The following ZNFX1 variants were observed in gnomAD, a reference collection of about 807,000 sequenced individuals.
ZNFX1 encodes NFX1-type zinc finger-containing protein 1.
In ZNFX1, 78 loss-of-function variants were observed where a neutral mutation model predicts 179.8. The observed-to-expected ratio is 0.43, with a 90% CI of 0.36 to 0.52. ZNFX1 has a LOEUF of 0.52. ZNFX1 is among the 20% of genes least tolerant of loss of function. The pLI is 0.00. For synonymous variants in ZNFX1, 848 were observed against 868.5 expected, an observed-to-expected ratio of 0.98 and a Z score of 0.42; for missense variants, 1,927 against 2,386.6, an observed-to-expected ratio of 0.81 and a Z score of 4.01.
At chr20:49,273,172 G>A (rs772646877) in intron 2 of ZNFX1, among the ~76,000 whole-genome samples, 9 of 151,828 alleles carry the variant, frequency 5.9e-5, no homozygotes, top group Admixed American at 6.6e-5. Context: ...TGGCTCTGTC[G>A]CCCAGGCTGG....
chr20:49,255,641 A>T (rs1980951104), intron 9 of ZNFX1, among the ~76,000 whole-genome samples, 167 bp downstream of exon 9: 2 of 152,256 alleles, frequency 1.3e-5, no homozygotes, highest in South Asian at 4.1e-4. Context: ...CCATGAAAGT[A>T]GAGCAAAGTG....
At position 49,264,882 on chromosome 20, in the gene ZNFX1, G is replaced by A; in HGVS notation, c.2003-18C>T. 1.2e-6 allele frequency: 2 copies of A among 1,614,176 alleles called. No individual in the cohort carries two copies. The highest frequency in any genetic ancestry group is 1.7e-6 in the Non-Finnish European group (2 of 1,180,022). On this transcript the variant is annotated intron_variant, in intron 4 of 13. Transcript: ENST00000396105. ...GTAGATGCCTGTGGAACAAAGTGGA[G>A]CATGGCAGGGTTGAGAGGAGCTTAT...
chr20:49,249,141 G>A lies in ZNFX1; in HGVS notation c.3883C>T (p.Arg1295Cys), dbSNP rs765271746. Residue 1295 changes from arginine to cysteine, a missense_variant, in exon 14 of 14, where the codon CGC (arginine) becomes TGC (cysteine). Transcript: ENST00000396105. ...EGGCSLPCEFRLGCGHVCTRA... is the reference protein window; with the variant it reads ...EGGCSLPCEFCLGCGHVCTRA... ...GTGCAGACATGCCCACAGCCCAGGC[G>A]GAACTCGCAGGGCAGGCTGCAGCCT... 5 of 1,614,102 alleles carry A rather than the reference G, an allele frequency of 3.1e-6. No homozygotes were observed. Among genetic ancestry groups the A allele is most frequent in the Non-Finnish European group, 4.2e-6 (5 of 1,180,042 alleles).
rs1216292755 is a variant in ZNFX1 at position 49,249,580 on chromosome 20, T to C, written c.3444A>G (p.Glu1148=). 1.2e-6 allele frequency: 2 copies of C among 1,614,122 alleles called. No individual in the cohort carries two copies. The highest frequency in any genetic ancestry group is 2.2e-5 in the East Asian group (1 of 44,886). The change falls in exon 14 of 14, where the codon GAA becomes GAG. Residue 1148 remains glutamate (E), a synonymous_variant. Transcript: ENST00000396105. ...VELCKYFLCQ[E]YLPSQITILT... ...GGATGGTGATCTGGGAAGGCAGGTA[T>C]TCCTGGCACAGGAAGTACTTGCACA...
rs1980671406 is a variant in ZNFX1 at position 49,246,369 on chromosome 20, C to G, written c.*898G>C. On this transcript the variant is annotated 3_prime_UTR_variant, in exon 14 of 14. Transcript: ENST00000396105. The stretch of plus-strand genomic sequence containing the variant: ...CCATCTTATGCAGCATGTGGGCTGT[C>G]CCATCTTCCCCACTCTCAGTGACTA... 1 of 153,412 alleles carries G rather than the reference C, an allele frequency of 6.5e-6. No individual in the cohort carries two copies. 9.5% of individuals were successfully genotyped at this position (153,412 alleles called of 1,614,324 possible).
At chr20:49,277,107 G>C (rs1227277485) in intron 1 of ZNFX1, among the ~76,000 whole-genome samples, 2 of 151,858 alleles carry the variant, frequency 1.3e-5, no homozygotes, top group South Asian at 2.1e-4. Flanking sequence ...TTTTTTTGGT[G>C]GGGGGAATCA....
chr20:49,275,915 C>G, intron 1 of ZNFX1, 28 bp from the exon 2 acceptor site: 3 of 1,498,900 alleles, frequency 2.0e-6, no homozygotes, highest in Non-Finnish European at 2.8e-6. Context: ...TCAGTGTCCT[C>G]GAAACATAGC....
intron 3 of ZNFX1, among the ~76,000 whole-genome samples, chr20:49,267,779 G>A (rs1981276394): frequency 6.6e-6 from 1 of 151,972 alleles, no homozygotes; most frequent in Non-Finnish European, 1.5e-5. Flanking sequence ...TCCTAAACTT[G>A]TCACTTAACA....
At chr20:49,265,487 G>A (rs1304295216) in intron 4 of ZNFX1, among the ~76,000 whole-genome samples, 1 of 152,042 alleles carries the variant, frequency 6.6e-6, no homozygotes, top group African/African-American at 2.4e-5. Flanking sequence ...GTCTGGGTGG[G>A]GTAGGGATCT....
Position 49,275,830 on chromosome 20 carries a change from T to G in ZNFX1, c.10A>C (p.Arg4=), listed in dbSNP as rs1981543765. ...GGCCTGGCATCCAGATGAGGTCTTC[T>G]CTCCTCCATGTCTGAGTCACCTGAA... The part of the protein sequence containing the change: MEE[R]RPHLDARPRN... Residue 4 remains arginine, a synonymous_variant, in exon 2 of 14, where the codon AGA becomes CGA. Coordinates refer to ENST00000396105, the MANE Select transcript of ZNFX1 (RefSeq NM_021035.3). 1.2e-6 allele frequency: 2 copies of G among 1,614,038 alleles called. No homozygotes were observed. The highest frequency in any genetic ancestry group is 1.7e-6 in the Non-Finnish European group (2 of 1,180,014).
chr20:49,276,601 G>C (rs1385097294), intron 1 of ZNFX1, among the ~76,000 whole-genome samples: 1 of 152,228 alleles, frequency 6.6e-6, no homozygotes, highest in Non-Finnish European at 1.5e-5. Flanking sequence ...GGTCCTGTAA[G>C]AGGAAGAGGA....
intron 2 of ZNFX1, among the ~76,000 whole-genome samples, chr20:49,272,634 T>C (rs974669398): frequency 2.0e-5 from 3 of 152,154 alleles, no homozygotes; most frequent in African/African-American, 7.2e-5. Flanking sequence ...ACTAAACAAT[T>C]ATCACAGCCA....
chr20:49,270,104 AT>A lies in ZNFX1; in HGVS notation c.1707del (p.Glu569AspfsTer3), dbSNP rs769045072. 6.2e-7 allele frequency: 1 copy of A among 1,614,208 alleles called. No individual in the cohort carries two copies. Among genetic ancestry groups the A allele is most frequent in the Non-Finnish European group, 8.5e-7 (1 of 1,180,034 alleles). ...CTCAAACCCTCGACATTTCTTAGAA[AT>A]TCCCCAGTGGCTGAAGGATTCTCTA... The part of the protein sequence containing the change: ...PLIENPSATG[E>X]FLRNVEGLRH... On this transcript the variant is annotated frameshift_variant, in exon 3 of 14. Transcript: ENST00000396105. LOFTEE classifies it high-confidence loss of function. The surrounding 1 kb of genome is among the most constrained non-coding windows in gnomAD (Gnocchi z 4.6).
Position 49,249,683 on chromosome 20 carries a change from T to G in ZNFX1, c.3341A>C (p.Glu1114Ala), listed in dbSNP as rs1600984077. 1 of 1,613,198 alleles carries G rather than the reference T, an allele frequency of 6.2e-7. No individual in the cohort carries two copies. The highest frequency in any genetic ancestry group is 2.2e-5 in the East Asian group (1 of 44,862). Residue 1114 changes from glutamate to alanine, a missense_variant, in exon 14 of 14, where the codon GAA (glutamate) becomes GCA (alanine). By Grantham distance (107) the Glu-to-Ala change is moderately radical. Coordinates refer to ENST00000396105, the MANE Select transcript of ZNFX1 (RefSeq NM_021035.3). ...GATTTCCTGTTCAGGAAAGTTGTGT[T>G]CTACAAAGAAAAGGTTGGAAGACAC... ...KGVSSNLFFV[E>A]HNFPEQEIQE...
At position 49,249,263 on chromosome 20, in the gene ZNFX1, T is replaced by C. The variant is rs577786949; in HGVS notation, c.3761A>G (p.Asn1254Ser). 5 of 1,614,178 alleles carry C rather than the reference T, an allele frequency of 3.1e-6. No homozygotes were observed. The highest frequency in any genetic ancestry group is 1.7e-5 in the Admixed American group (1 of 60,016). Residue 1254 changes from asparagine (N) to serine (S), a missense_variant, in exon 14 of 14, where the codon AAT (asparagine) becomes AGT (serine). Physicochemically the swap from Asn to Ser is conservative, Grantham distance 46. Coordinates refer to ENST00000396105, the MANE Select transcript of ZNFX1 (RefSeq NM_021035.3). ...GAGCCGGAGCATGGGGCCTATTTGA[T>C]TGTTCTCTCGAAGTGTATGAATGAT... ...SKIIHTLREN[N>S]QIGPMLRLCC... is the part of the protein sequence containing the mutation.
At chr20:49,261,178 G>A (rs908041536) in intron 6 of ZNFX1, among the ~76,000 whole-genome samples, 2 of 152,126 alleles carry the variant, frequency 1.3e-5, no homozygotes, top group Non-Finnish European at 2.9e-5. Context: ...AGGCTGCAGT[G>A]AGCTATGATT....
Position 49,254,663 on chromosome 20 carries a change from A to C in ZNFX1, c.2805-14T>G, listed in dbSNP as rs890643653. On this transcript the variant is annotated splice_polypyrimidine_tract_variant and intron_variant, in intron 9 of 13. Transcript: ENST00000396105. The stretch of plus-strand genomic sequence containing the variant: ...TGTAGCCAGAGCCTGGAGAATGGGA[A>C]GAACCAAGGAAAGAAAGCCACATGC... 6.2e-7 allele frequency: 1 copy of C among 1,611,086 alleles called. No individual in the cohort carries two copies. Among genetic ancestry groups the C allele is most frequent in the Non-Finnish European group, 8.5e-7 (1 of 1,178,142 alleles).
rs149154109 is a variant in ZNFX1 at position 49,270,609 on chromosome 20, C to T, written c.1203G>A (p.Arg401=). 4 of 1,614,116 alleles carry T rather than the reference C, an allele frequency of 2.5e-6. No homozygotes were observed. The highest frequency in any genetic ancestry group is 3.3e-5 in the Admixed American group (2 of 60,008). Residue 401 remains arginine, a synonymous_variant, in exon 3 of 14, where the codon AGG becomes AGA. Coordinates refer to ENST00000396105, the MANE Select transcript of ZNFX1 (RefSeq NM_021035.3). The surrounding 1 kb of genome is among the most constrained non-coding windows in gnomAD (Gnocchi z 4.6). ...LLQSFEDQGL[R]KRKFDDIRIY... ...TTCGGATGTCATCAAACTTTCTCTT[C>T]CTCAGGCCCTGGTCTTCAAAGCTTT...
intron 8 of ZNFX1, 72 bp from the exon 9 acceptor site, chr20:49,256,019 T>A (rs543576380): frequency 6.4e-6 from 10 of 1,555,678 alleles, no homozygotes; most frequent in Non-Finnish European, 8.7e-6. Flanking sequence ...AAGGCAGGGG[T>A]CACAGCACGT....
Sources: gnomAD v4.1 joint callset for allele counts (sites outside exome capture counted in the v4.1 genomes callset) on GRCh38, gnomAD v4.1.1 for gene constraint, Gnocchi (gnomAD v3.1) non-coding constraint, MANE v1.5 for transcripts, NCBI Gene and HGNC (gene_info 2026-07-23, HGNC 2026-07-21) for gene names.